FAM193A: variants seen among roughly 807,000 people sequenced by gnomAD.
FAM193A encodes family with sequence similarity 193 member A.
Under a neutral mutation model 126.5 loss-of-function variants are expected in FAM193A, and 22 were observed. The observed-to-expected ratio is 0.17, with a 90% CI of 0.12 to 0.25. FAM193A has a LOEUF of 0.25. FAM193A is among the 10% of genes least tolerant of loss of function. The pLI is 1.00. For synonymous variants in FAM193A, 761 were observed against 646.8 expected (o/e 1.18, Z -2.68); for missense variants, 1,675 against 1,672.8 (o/e 1.00, Z -0.02).
At chr4:2,631,954 A>G (rs531134520) in intron 5 of FAM193A, among the ~76,000 whole-genome samples, 2 of 152,298 alleles carry the variant, frequency 1.3e-5, no homozygotes, top group East Asian at 3.9e-4. Flanking sequence ...AAACTTTATT[A>G]TTAAATAATA....
intron 19 of FAM193A, among the ~76,000 whole-genome samples, chr4:2,702,479 A>G (rs1163618763): frequency 2.6e-5 from 4 of 152,186 alleles, no homozygotes; most frequent in African/African-American, 9.7e-5. Context: ...GGACACTGCC[A>G]TATGGCATTG....
chr4:2,724,454 G>C (rs886761012), intron 20 of FAM193A, among the ~76,000 whole-genome samples: 2 of 152,048 alleles, frequency 1.3e-5, no homozygotes, highest in African/African-American at 4.8e-5. Context: ...CTGTTTTCCT[G>C]CTTATCTCTA....
At chr4:2,629,042 C>T (rs1408838175) in intron 4 of FAM193A, among the ~76,000 whole-genome samples, 1 of 151,958 alleles carries the variant, frequency 6.6e-6, no homozygotes, top group Non-Finnish European at 1.5e-5. Context: ...TTAGTAGAGA[C>T]AGGGTTTCAC....
Position 2,625,070 on chromosome 4 carries a change from C to T in FAM193A, c.502-192C>T, listed in dbSNP as rs553582352. Among the ~76,000 whole-genome samples the T allele has an allele frequency of 7.9e-5, 12 of 152,240 alleles. No individual in the cohort carries two copies. In the East Asian group the frequency reaches 1.9e-3, roughly 24 times the overall value. On this transcript the variant is annotated intron_variant, in intron 2 of 20. Transcript: ENST00000637812. Reference sequence around the variant, plus strand: ...AGTGGTGTTTCACCATGTTGCCCAGCGATCCACCCACCTCAGACTCCCAAA... The same window carrying T: ...AGTGGTGTTTCACCATGTTGCCCAGTGATCCACCCACCTCAGACTCCCAAA...
chr4:2,641,523 C>T (rs190041794), intron 6 of FAM193A, among the ~76,000 whole-genome samples: 4,353 of 152,058 alleles, frequency 0.029, 218 homozygotes, highest in African/African-American at 0.099. Context: ...GGCGTAGTGG[C>T]GCATGCCTGT....
intron 1 of FAM193A, among the ~76,000 whole-genome samples, chr4:2,568,383 G>A (rs1280624438): frequency 6.6e-6 from 1 of 152,176 alleles, no homozygotes; most frequent in Non-Finnish European, 1.5e-5. Context: ...GGCTGGACAT[G>A]GTGGTGCACA....
intron 1 of FAM193A, among the ~76,000 whole-genome samples, chr4:2,552,352 T>C (rs1406676721): frequency 6.6e-6 from 1 of 151,236 alleles, no homozygotes; most frequent in Non-Finnish European, 1.5e-5. Context: ...GGTTTTGCCA[T>C]GTTGCTCACG....
At chr4:2,670,302 G>A (rs1260327135) in intron 12 of FAM193A, among the ~76,000 whole-genome samples, 1 of 151,706 alleles carries the variant, frequency 6.6e-6, no homozygotes, top group African/African-American at 2.4e-5. Context: ...CTCTTTTTTT[G>A]TAGTAATTCC....
intron 13 of FAM193A, among the ~76,000 whole-genome samples, chr4:2,674,012 A>G (rs542156228): frequency 6.6e-6 from 1 of 152,344 alleles, no homozygotes; most frequent in African/African-American, 2.4e-5. Context: ...TTGAATAGAA[A>G]AGCAAATATG....
At chr4:2,583,056 C>T (rs1379965436) in intron 1 of FAM193A, among the ~76,000 whole-genome samples, 1 of 152,154 alleles carries the variant, frequency 6.6e-6, no homozygotes, top group Non-Finnish European at 1.5e-5. Flanking sequence ...GCAACCTCCA[C>T]CTCCCGGGTT....
rs17164066 is a variant in FAM193A, at chr4:2,646,948, C to T, written c.1311+116C>T. The T allele has an allele frequency of 6.1e-3, 7,012 of 1,151,696 alleles. 330 individuals are homozygous for T. In the African/African-American group the frequency reaches 0.099, roughly 16 times the overall value. The allele number at this position is 1,151,696 out of a possible 1,614,324, so 71.3% of individuals were successfully genotyped here. On this transcript the variant is annotated intron_variant, in intron 7 of 20. Transcript: ENST00000637812. Reference sequence around the variant, plus strand: ...GCAAGCCAGGAATTCCCGACTGAGGCCCAGAGGCGCATGTGGGTAGCCCCT... The same window carrying T: ...GCAAGCCAGGAATTCCCGACTGAGGTCCAGAGGCGCATGTGGGTAGCCCCT...
At chr4:2,702,318 C>A (rs902026314) in intron 19 of FAM193A, among the ~76,000 whole-genome samples, 2 of 152,164 alleles carry the variant, frequency 1.3e-5, no homozygotes, top group Admixed American at 1.3e-4. Flanking sequence ...CCATTTGATG[C>A]GGCCCTACCA....
chr4:2,542,297 G>A (rs1244004496), intron 1 of FAM193A, among the ~76,000 whole-genome samples: 2 of 151,598 alleles, frequency 1.3e-5, no homozygotes, highest in Non-Finnish European at 1.5e-5. Flanking sequence ...GAGCAACCAC[G>A]CCCGGCCATT....
At chr4:2,722,479 G>A (rs1052854152) in intron 20 of FAM193A, among the ~76,000 whole-genome samples, 27 of 152,190 alleles carry the variant, frequency 1.8e-4, no homozygotes, top group African/African-American at 6.5e-4. Context: ...CAGCTGCTGT[G>A]TCCAGAAGGG....
intron 1 of FAM193A, 46 bp downstream of exon 1, chr4:2,537,216 C>G: frequency 5.0e-6 from 1 of 200,840 alleles, no homozygotes; most frequent in Non-Finnish European, 1.0e-5. Flanking sequence ...ACGCGGTTGC[C>G]GTTCCCTCGC....
At chr4:2,724,757 C>CT (rs1720537685) in intron 20 of FAM193A, among the ~76,000 whole-genome samples, 1 of 152,122 alleles carries the variant, frequency 6.6e-6, no homozygotes, top group Non-Finnish European at 1.5e-5. Context: ...GTCAATGAAG[C>CT]TTTACATTAT....
In FAM193A at chr4:2,714,209, A is replaced by C. The variant is rs916185012; in HGVS notation, c.4373-1814A>C. Among the ~76,000 whole-genome samples the C allele has an allele frequency of 3.9e-5, 6 of 152,110 alleles. No homozygotes were observed. In the East Asian group the frequency reaches 9.6e-4, roughly 24 times the overall value. ...GGCCCTCTCTCACCCTTGCTTGTGC[A>C]TCAGTTTCCTGCATCAGCAGACGGT... is the stretch of plus-strand genomic sequence containing the variant. On this transcript the variant is annotated intron_variant, in intron 19 of 20. Coordinates refer to ENST00000637812, the MANE Select transcript of FAM193A (RefSeq NM_001366318.2).
chr4:2,557,990 A>T (rs1738364573), intron 1 of FAM193A, among the ~76,000 whole-genome samples: 1 of 150,804 alleles, frequency 6.6e-6, no homozygotes, highest in Non-Finnish European at 1.5e-5. Flanking sequence ...GTGTACTACA[A>T]GGCTGGGCGC....
At chr4:2,624,525 G>GCC (rs146363865) in intron 2 of FAM193A, among the ~76,000 whole-genome samples, 79 of 152,294 alleles carry the variant, frequency 5.2e-4, no homozygotes, top group African/African-American at 1.7e-3. Context: ...AGAGGCCTCT[G>GCC]CCCCGGCTGC....
Sources: allele counts gnomAD v4.1 joint callset (sites outside exome capture counted in the v4.1 genomes callset), GRCh38; gene constraint gnomAD v4.1.1; transcripts MANE v1.5; gene names NCBI Gene and HGNC (gene_info 2026-07-23, HGNC 2026-07-21).